Variants in USP37 observed in about 807,000 individuals in gnomAD.
USP37 encodes ubiquitin carboxyl-terminal hydrolase 37.
In USP37, 27 loss-of-function variants were observed where a neutral mutation model predicts 124.0. The observed-to-expected ratio is 0.22, with a 90% CI of 0.16 to 0.30. USP37 has a LOEUF of 0.30. Among genes scored for constraint, USP37 ranks in the 10% least tolerant of loss-of-function variants. The pLI is 1.00. For synonymous variants in USP37, 365 were observed against 388.0 expected (o/e 0.94, Z 0.70); for missense variants, 889 against 1,140.4 (o/e 0.78, Z 3.17).
chr2:218,485,791 A>T, intron 15 of USP37, 48 bp from the exon 16 acceptor site: 1 of 1,559,712 alleles, frequency 6.4e-7, no homozygotes. Context: ...CAGCATTAGT[A>T]TCTTAAATGC....
chr2:218,450,290 A>C lies in USP37; in HGVS notation c.*4640T>G, dbSNP rs1198466850. 1 of 152,424 alleles carries C rather than the reference A, an allele frequency of 6.6e-6. No individual in the cohort carries two copies. The highest frequency in any genetic ancestry group is 2.4e-5 in the African/African-American group (1 of 41,444). The allele number at this position is 152,424 out of a possible 1,614,324, so 9.4% of individuals were successfully genotyped here. ...GCTTTAATTTCATACACACAAAAAAACTCTATGCATAATTTAAAAAGGAAA... is the reference window on the plus strand; with the variant it reads ...GCTTTAATTTCATACACACAAAAAACCTCTATGCATAATTTAAAAAGGAAA... On this transcript the variant is annotated 3_prime_UTR_variant, in exon 26 of 26. Transcript: ENST00000258399.
intron 21 of USP37, 57 bp downstream of exon 21, chr2:218,465,953 A>ATTC (rs1690293726): frequency 6.4e-7 from 1 of 1,553,358 alleles, no homozygotes; most frequent in Non-Finnish European, 8.7e-7. Context: ...AGTTATTATT[A>ATTC]TTATATTTCT....
intron 10 of USP37, among the ~76,000 whole-genome samples, chr2:218,525,701 GTTTTAT>G (rs1358346690): frequency 6.6e-6 from 1 of 151,952 alleles, no homozygotes; most frequent in African/African-American, 2.4e-5. Flanking sequence ...TTTTTTCTAA[GTTTTAT>G]TTTAAGTTCA....
chr2:218,546,258 A>G lies in USP37; in HGVS notation c.643T>C (p.Leu215=), dbSNP rs750845590. 3 of 1,613,334 alleles carry G rather than the reference A, an allele frequency of 1.9e-6. No individual in the cohort carries two copies. The highest frequency in any genetic ancestry group is 2.2e-5 in the South Asian group (2 of 91,068). The change falls in exon 8 of 26, where the codon TTG becomes CTG. Residue 215 remains leucine, a synonymous_variant. Transcript: ENST00000258399. ...TTTTCCTTAGGGTAATCTTCATTCA[A>G]TTCTGAGCCAGTTGATATCATTCTT... ...RKRMISTGSE[L]NEDYPKENDS... is the part of the protein sequence containing the mutation.
At chr2:218,523,359 A>G (rs1038624927) in intron 10 of USP37, among the ~76,000 whole-genome samples, 1 of 152,146 alleles carries the variant, frequency 6.6e-6, no homozygotes, top group African/African-American at 2.4e-5. Flanking sequence ...TCCAATGAAC[A>G]TTTCCTTTGA....
intron 19 of USP37, among the ~76,000 whole-genome samples, chr2:218,475,921 G>A (rs1284579962): frequency 3.3e-5 from 3 of 91,042 alleles, no homozygotes; most frequent in Admixed American, 1.1e-4. Flanking sequence ...GTGAGACTCC[G>A]TCTCAAAAAA....
At chr2:218,492,997 ACT>A (rs1241822120) in intron 14 of USP37, among the ~76,000 whole-genome samples, 1 of 151,460 alleles carries the variant, frequency 6.6e-6, no homozygotes, top group Non-Finnish European at 1.5e-5. Context: ...ACAGAGCAAG[ACT>A]CTGTCTTAAA....
At chr2:218,537,998 G>A (rs1300003407) in intron 8 of USP37, among the ~76,000 whole-genome samples, 1 of 152,190 alleles carries the variant, frequency 6.6e-6, no homozygotes, top group Non-Finnish European at 1.5e-5. Flanking sequence ...GATAAGACCA[G>A]GAGAGTACAA....
At chr2:218,517,882 T>C (rs1415763819) in intron 10 of USP37, among the ~76,000 whole-genome samples, 2 of 152,200 alleles carry the variant, frequency 1.3e-5, no homozygotes, top group East Asian at 3.8e-4. Flanking sequence ...TCTCCTGTAT[T>C]GTCTTTTTCA....
At chr2:218,532,956 T>TA (rs910697267) in intron 9 of USP37, among the ~76,000 whole-genome samples, 13 of 150,476 alleles carry the variant, frequency 8.6e-5, no homozygotes, top group Non-Finnish European at 1.8e-4. Flanking sequence ...TTATTATTAT[T>TA]TTTTTTTTAG....
chr2:218,474,758 A>G lies in USP37; in HGVS notation c.2171T>C (p.Leu724Pro). 3 of 1,614,138 alleles carry G rather than the reference A, an allele frequency of 1.9e-6. No individual in the cohort carries two copies. Among genetic ancestry groups the G allele is most frequent in the African/African-American group, 1.3e-5 (1 of 75,020 alleles). The change falls in exon 20 of 26, where the codon CTG (leucine) becomes CCG (proline). Residue 724 changes from leucine (L) to proline (P), a missense_variant. Transcript: ENST00000258399. ...TGGCTTATCATCATCTTCATGACTC[A>G]GAGATGGTGAAGCATCTCTCTTACT... The part of the protein sequence containing the change: ...EISKRDASPS[L>P]SHEDDDKPTS...
At chr2:218,464,773 A>G (rs1333950151) in intron 21 of USP37, among the ~76,000 whole-genome samples, 4 of 152,234 alleles carry the variant, frequency 2.6e-5, no homozygotes, top group African/African-American at 9.6e-5. Flanking sequence ...ATTGAAGAAT[A>G]GGTTACTACA....
At chr2:218,547,554 G>A (rs1442534843) in intron 6 of USP37, among the ~76,000 whole-genome samples, 3 of 149,446 alleles carry the variant, frequency 2.0e-5, no homozygotes, top group Non-Finnish European at 4.4e-5. Flanking sequence ...CCTGTTGAGG[G>A]GGCAAGAACA....
intron 10 of USP37, among the ~76,000 whole-genome samples, chr2:218,514,101 G>A (rs1320968298): frequency 6.6e-6 from 1 of 152,128 alleles, no homozygotes; most frequent in Non-Finnish European, 1.5e-5. Flanking sequence ...TTACAGGCGT[G>A]AGTCACTGCA....
At chr2:218,538,518 T>C (rs1691784351) in intron 8 of USP37, among the ~76,000 whole-genome samples, 1 of 152,222 alleles carries the variant, frequency 6.6e-6, no homozygotes, top group Non-Finnish European at 1.5e-5. Flanking sequence ...GTCCAGTGCA[T>C]GTCAGCCAGC....
intron 25 of USP37, 36 bp downstream of exon 25, chr2:218,455,544 C>T: frequency 1.3e-6 from 2 of 1,513,044 alleles, no homozygotes. Context: ...CCGGTGATTT[C>T]TAACTCATTA....
intron 8 of USP37, among the ~76,000 whole-genome samples, chr2:218,542,649 A>G (rs1482953811): frequency 2.0e-5 from 3 of 152,312 alleles, no homozygotes; most frequent in Non-Finnish European, 2.9e-5. Flanking sequence ...GACAGCTTTC[A>G]TGATAGATTC....
chr2:218,468,407 G>A (rs575332081), intron 20 of USP37, among the ~76,000 whole-genome samples: 12 of 151,484 alleles, frequency 7.9e-5, no homozygotes, highest in Admixed American at 2.6e-4. Context: ...ATTTTTAGTA[G>A]AGGCGGGGTT....
At chr2:218,491,248 T>TTTA (rs1691928584) in intron 14 of USP37, among the ~76,000 whole-genome samples, 1 of 152,250 alleles carries the variant, frequency 6.6e-6, no homozygotes, top group East Asian at 1.9e-4. Flanking sequence ...TACTTCCTAC[T>TTTA]AGCCTGGAAA....
Sources: allele counts gnomAD v4.1 joint callset (sites outside exome capture counted in the v4.1 genomes callset), GRCh38; gene constraint gnomAD v4.1.1; transcripts MANE v1.5; gene names NCBI Gene and HGNC (gene_info 2026-07-23, HGNC 2026-07-21).